Variants in MROH1 observed in about 807,000 individuals in gnomAD.
MROH1 encodes the protein maestro heat like repeat family member 1, also known as maestro heat-like repeat-containing protein family member 1.
A neutral mutation model predicts 116.5 loss-of-function variants in MROH1; 117 were observed. The observed-to-expected ratio is 1.00, with a 90% CI of 0.86 to 1.17. The LOEUF is 1.17. Ranked by LOEUF, MROH1 falls within the 50% of genes most tolerant of loss-of-function variation. The probability of loss-of-function intolerance (pLI) is 0.00; values close to 1 mark genes in which losing one functional copy is unlikely to be tolerated. For synonymous variants in MROH1, 921 were observed against 583.9 expected (o/e 1.58, Z -8.32); for missense variants, 1,873 against 1,338.5 (o/e 1.40, Z -6.23).
At chr8:144,256,109 C>G (rs1248548965) in intron 35 of MROH1, among the ~76,000 whole-genome samples, 3 of 152,256 alleles carry the variant, frequency 2.0e-5, no homozygotes, top group East Asian at 3.9e-4. Context: ...CCCAGCAGAG[C>G]GGCCTTTGGC....
chr8:144,150,832 C>T (rs1434723848), intron 1 of MROH1, among the ~76,000 whole-genome samples: 1 of 152,114 alleles, frequency 6.6e-6, no homozygotes, highest in Non-Finnish European at 1.5e-5. Flanking sequence ...AGAGCATGGT[C>T]CCTGGCTAGG....
At chr8:144,207,522 T>C (rs1833104084) in intron 12 of MROH1, among the ~76,000 whole-genome samples, 1 of 152,136 alleles carries the variant, frequency 6.6e-6, no homozygotes, top group Non-Finnish European at 1.5e-5. Context: ...GATTGATTTA[T>C]AGAGAGAGGG....
intron 1 of MROH1, among the ~76,000 whole-genome samples, chr8:144,151,354 C>T (rs1477505230): frequency 2.0e-5 from 3 of 150,458 alleles, no homozygotes; most frequent in African/African-American, 7.4e-5. Context: ...ACACAAGCAA[C>T]TGGACCTCGA....
intron 35 of MROH1, among the ~76,000 whole-genome samples, chr8:144,256,394 G>A (rs1406804162): frequency 7.5e-6 from 1 of 132,488 alleles, no homozygotes; most frequent in Non-Finnish European, 1.7e-5. Context: ...CCTCACTTCA[G>A]CCCCTCCCCC....
chr8:144,151,367 G>T (rs1816749322), intron 1 of MROH1, among the ~76,000 whole-genome samples: 1 of 152,038 alleles, frequency 6.6e-6, no homozygotes, highest in Non-Finnish European at 1.5e-5. Context: ...GACCTCGAGG[G>T]GAACACGCCA....
At chr8:144,195,525 A>G (rs2131680576) in intron 10 of MROH1, among the ~76,000 whole-genome samples, 1 of 111,102 alleles carries the variant, frequency 9.0e-6, no homozygotes, top group East Asian at 3.1e-4. Flanking sequence ...AAAAAAAAAA[A>G]GAAACAGAGT....
At position 144,242,486 on chromosome 8, in the gene MROH1, C is replaced by T. The variant is rs1005850683; in HGVS notation, c.2296C>T (p.Arg766Trp). ...GGCCAAGGTAGAGTCAGACATCCTC[C>T]GGAACATCTGCCAGCACTTCAGCAC... Reference protein sequence around the residue: ...VLAKVESDILRNICQHFSTKV... With the variant: ...VLAKVESDILWNICQHFSTKV... Residue 766 changes from arginine to tryptophan, a missense_variant, in exon 23 of 44, where the codon CGG (arginine) becomes TGG (tryptophan). Transcript: ENST00000326134. 7.7e-6 allele frequency: 6 copies of T among 780,578 alleles called. No individual in the cohort carries two copies. The highest frequency in any genetic ancestry group is 5.1e-5 in the African/African-American group (3 of 59,152). 48.4% of individuals were successfully genotyped at this position (780,578 alleles called of 1,614,324 possible).
chr8:144,156,563 G>T lies in MROH1; in HGVS notation c.-176-4407G>T, dbSNP rs1044161880. ...CTCTCCTAAAAAAATACAAAAATTA[G>T]CCAGGCGTGATGGTGTGTGCCTGTA... On this transcript the variant is annotated intron_variant, in intron 1 of 43. Coordinates refer to ENST00000326134, the MANE Select transcript of MROH1 (RefSeq NM_032450.3). 6.9e-4 allele frequency among the ~76,000 whole-genome samples: 105 copies of T among 151,454 alleles called. 5 individuals are homozygous for T. The South Asian group carries it at 0.022, about 31-fold the overall frequency.
intron 30 of MROH1, 65 bp downstream of exon 30, chr8:144,247,501 G>A (rs1423199027): frequency 5.8e-5 from 44 of 760,532 alleles, no homozygotes; most frequent in East Asian, 5.5e-4. Flanking sequence ...GATGAGGTGC[G>A]GAGTCCAGGC....
chr8:144,190,426 A>G (rs1436667540), intron 7 of MROH1, among the ~76,000 whole-genome samples: 1 of 152,168 alleles, frequency 6.6e-6, no homozygotes, highest in African/African-American at 2.4e-5. Flanking sequence ...AGGCTAAGGC[A>G]GGAGAATTGC....
At chr8:144,175,189 T>C (rs1471505455) in intron 4 of MROH1, 4 of 978,818 alleles carry the variant, frequency 4.1e-6, no homozygotes, top group Non-Finnish European at 4.8e-6. Context: ...GCAGCGGATC[T>C]GGTCGAGTGG....
intron 12 of MROH1, among the ~76,000 whole-genome samples, chr8:144,216,208 C>T (rs998668039): frequency 1.3e-5 from 2 of 151,966 alleles, no homozygotes; most frequent in African/African-American, 2.4e-5. Context: ...GGCTCAGTGG[C>T]TCATGCCTGT....
intron 13 of MROH1, among the ~76,000 whole-genome samples, chr8:144,222,818 G>A (rs1311523758): frequency 6.6e-6 from 1 of 151,960 alleles, no homozygotes; most frequent in Admixed American, 6.6e-5. Flanking sequence ...GCCCAGGTAT[G>A]TGGGTACAGG....
At chr8:144,237,422 C>A (rs1840242714) in intron 14 of MROH1, among the ~76,000 whole-genome samples, 2 of 152,202 alleles carry the variant, frequency 1.3e-5, no homozygotes, top group African/African-American at 4.8e-5. Context: ...TGGGGCTGCC[C>A]GTGCCTCTGC....
rs1291536433 is a variant in MROH1, at chr8:144,260,001, G to A, written c.4135G>A (p.Val1379Met). ...AARQKDTCAS[V>M]RRLVLRGLAN... ...TCGCCAGAAGGACACATGCGCCAGC[G>A]TGCGGAGGCTGGTGCTCCGCGGCCT... Residue 1379 changes from valine to methionine, a missense_variant, in exon 38 of 44, where the codon GTG (valine) becomes ATG (methionine). Physicochemically the swap from Val to Met is conservative, Grantham distance 21. Coordinates refer to ENST00000326134, the MANE Select transcript of MROH1 (RefSeq NM_032450.3). The A allele has an allele frequency of 1.5e-5, 11 of 732,360 alleles. No homozygotes were observed. Among genetic ancestry groups the A allele is most frequent in the Non-Finnish European group, 2.3e-5 (9 of 397,724 alleles). 45.4% of individuals were successfully genotyped at this position (732,360 alleles called of 1,614,324 possible).
intron 32 of MROH1, among the ~76,000 whole-genome samples, chr8:144,249,789 C>G (rs1210134125): frequency 6.6e-6 from 1 of 152,248 alleles, no homozygotes; most frequent in African/African-American, 2.4e-5. Flanking sequence ...CGCCACGTCC[C>G]CAGCCCAGCT....
chr8:144,174,314 G>A (rs1039516030), intron 4 of MROH1, among the ~76,000 whole-genome samples: 3 of 151,948 alleles, frequency 2.0e-5, no homozygotes, highest in Non-Finnish European at 2.9e-5. Context: ...GCTTGGAGGT[G>A]GGGTTTCTCA....
At position 144,258,767 on chromosome 8, in the gene MROH1, A is replaced by T. The variant is rs905288092; in HGVS notation, c.3792-10A>T. 1.3e-6 allele frequency: 1 copy of T among 764,944 alleles called. No individual in the cohort carries two copies. Among genetic ancestry groups the T allele is most frequent in the Non-Finnish European group, 2.4e-6 (1 of 412,874 alleles). 47.4% of individuals were successfully genotyped at this position (764,944 alleles called of 1,614,324 possible). Reference sequence around the variant, plus strand: ...TGCCCTACCAGCTGAGCACCCTGGCAATCCTGCAGCTCTGCAGTGGACACC... The same window carrying T: ...TGCCCTACCAGCTGAGCACCCTGGCTATCCTGCAGCTCTGCAGTGGACACC... On this transcript the variant is annotated splice_polypyrimidine_tract_variant and intron_variant, in intron 35 of 43. Transcript: ENST00000326134.
intron 14 of MROH1, among the ~76,000 whole-genome samples, chr8:144,236,607 G>C (rs900163142): frequency 1.3e-5 from 2 of 151,872 alleles, no homozygotes; most frequent in Admixed American, 1.3e-4. Context: ...GCCAGGTATG[G>C]TGGTGGGCGC....
Sources: allele counts gnomAD v4.1 joint callset (sites outside exome capture counted in the v4.1 genomes callset), GRCh38; gene constraint gnomAD v4.1.1; transcripts MANE v1.5; gene names NCBI Gene and HGNC (gene_info 2026-07-23, HGNC 2026-07-21).